Variants in SPTLC2 observed in about 807,000 individuals in gnomAD.
SPTLC2 encodes the protein serine palmitoyltransferase long chain base subunit 2, also known as serine palmitoyltransferase 2.
Under a neutral mutation model 62.0 loss-of-function variants are expected in SPTLC2, and 21 were observed. The ratio of observed to expected loss-of-function variants is 0.34; its 90% CI spans 0.24 to 0.49. SPTLC2 has a LOEUF of 0.49. Among genes scored for constraint, SPTLC2 ranks in the 20% least tolerant of loss-of-function variants. The pLI, the probability that SPTLC2 is intolerant of heterozygous loss-of-function variation, is 0.99. For missense variants in SPTLC2, 511 were observed against 713.0 expected (o/e 0.72, Z 3.23); for synonymous variants, 261 against 261.8 (o/e 1.00, Z 0.03).
intron 1 of SPTLC2, among the ~76,000 whole-genome samples, chr14:77,600,397 G>A (rs920005561): frequency 6.6e-5 from 10 of 152,128 alleles, no homozygotes; most frequent in East Asian, 1.9e-4. Context: ...ACTGACACGC[G>A]AGCCTCTCCA....
chr14:77,615,735 T>C (rs1403047153), intron 1 of SPTLC2, among the ~76,000 whole-genome samples: 1 of 152,238 alleles, frequency 6.6e-6, no homozygotes, highest in Non-Finnish European at 1.5e-5. Context: ...TATAGAGTCA[T>C]CGCAAGTCAC....
chr14:77,524,439 TAA>T (rs58888508), intron 9 of SPTLC2, among the ~76,000 whole-genome samples: 45 of 133,822 alleles, frequency 3.4e-4, no homozygotes, highest in Admixed American at 3.0e-4. Flanking sequence ...TAGCCTCTGT[TAA>T]AAAAAAAAAA....
chr14:77,587,123 G>A (rs1472150490), intron 2 of SPTLC2, among the ~76,000 whole-genome samples: 1 of 152,036 alleles, frequency 6.6e-6, no homozygotes, highest in East Asian at 1.9e-4. Flanking sequence ...AGCTACTCGG[G>A]AGGCTGAGGC....
chr14:77,527,046 G>A (rs1438821103), intron 9 of SPTLC2, among the ~76,000 whole-genome samples: 6 of 150,720 alleles, frequency 4.0e-5, no homozygotes, highest in Non-Finnish European at 7.4e-5. Flanking sequence ...CACCTGCCTC[G>A]GCCTCCCAAA....
chr14:77,528,742 CAT>C (rs2079421421), intron 9 of SPTLC2, among the ~76,000 whole-genome samples: 1 of 152,138 alleles, frequency 6.6e-6, no homozygotes, highest in Admixed American at 6.6e-5. Context: ...GTGGTTATTT[CAT>C]ATCTCTTTCA....
intron 2 of SPTLC2, among the ~76,000 whole-genome samples, chr14:77,580,125 G>A (rs2079739926): frequency 6.6e-6 from 1 of 152,060 alleles, no homozygotes; most frequent in African/African-American, 2.4e-5. Flanking sequence ...ATATTTTCAA[G>A]GATCAAAATG....
chr14:77,585,649 C>A (rs574122621), intron 2 of SPTLC2, among the ~76,000 whole-genome samples: 2 of 151,962 alleles, frequency 1.3e-5, no homozygotes, highest in East Asian at 3.9e-4. Flanking sequence ...GCATCCAGTG[C>A]AGGGAAAAAA....
chr14:77,560,671 T>C (rs982765250), intron 6 of SPTLC2, among the ~76,000 whole-genome samples: 2 of 151,740 alleles, frequency 1.3e-5, no homozygotes, highest in South Asian at 4.2e-4. Flanking sequence ...TGGAATACTA[T>C]GTAGCCATAA....
chr14:77,558,752 G>A (rs1393050987), intron 6 of SPTLC2, among the ~76,000 whole-genome samples: 4 of 151,824 alleles, frequency 2.6e-5, no homozygotes, highest in African/African-American at 9.7e-5. Context: ...CTCCTGAGTA[G>A]CTGGGATTAC....
In SPTLC2 at chr14:77,534,178, TCACACACACA is replaced by T. The variant is rs199819444; in HGVS notation, c.1304-12607_1304-12598del. On this transcript the variant is annotated intron_variant, in intron 9 of 11. Coordinates refer to ENST00000216484, the MANE Select transcript of SPTLC2 (RefSeq NM_004863.4). ...GTCTCTCTCTCTTTCTCTCTCTCTC[TCACACACACA>T]CACACACACACACACACACACACAC... 1.9e-3 allele frequency among the ~76,000 whole-genome samples: 223 copies of T among 114,986 alleles called. 2 individuals carry two copies. Among genetic ancestry groups the T allele is most frequent in the South Asian group, 0.014 (59 of 4,142 alleles). 75.4% of individuals were successfully genotyped at this position (114,986 alleles called of 152,430 possible).
intron 9 of SPTLC2, among the ~76,000 whole-genome samples, chr14:77,530,564 A>AACTC (rs1483468840): frequency 1.3e-5 from 2 of 152,100 alleles, no homozygotes; most frequent in African/African-American, 4.8e-5. Flanking sequence ...CCTGACCTCA[A>AACTC]GTGATCCACC....
chr14:77,611,361 G>T (rs1263885235), intron 1 of SPTLC2, among the ~76,000 whole-genome samples: 2 of 150,658 alleles, frequency 1.3e-5, no homozygotes, highest in African/African-American at 4.9e-5. Context: ...TACTTGGGAG[G>T]CTGAGATGGG....
intron 3 of SPTLC2, among the ~76,000 whole-genome samples, chr14:77,578,487 G>A (rs940428148): frequency 6.6e-6 from 1 of 151,734 alleles, no homozygotes; most frequent in Non-Finnish European, 1.5e-5. Context: ...GAGGCTGAGG[G>A]GGACAGATCA....
chr14:77,506,699 T>A lies in SPTLC2; in HGVS notation c.*5585A>T, dbSNP rs974497618. On this transcript the variant is annotated 3_prime_UTR_variant, in exon 12 of 12. Coordinates refer to ENST00000216484, the MANE Select transcript of SPTLC2 (RefSeq NM_004863.4). The stretch of plus-strand genomic sequence containing the variant: ...ATGACCAAGCTTTGCAAAAGAAACC[T>A]GGGAAGAGCGTTGGAAAAAGCAGAC... 1.3e-5 allele frequency: 2 copies of A among 152,248 alleles called. No homozygotes were observed. Among genetic ancestry groups the A allele is most frequent in the African/African-American group, 4.8e-5 (2 of 41,462 alleles). 9.4% of individuals were successfully genotyped at this position (152,248 alleles called of 1,614,324 possible). A position where few individuals can be genotyped will look rare whatever the true frequency, so the allele number is the denominator to read the frequency against.
intron 9 of SPTLC2, among the ~76,000 whole-genome samples, chr14:77,544,589 A>G (rs1299101377): frequency 6.6e-6 from 1 of 152,182 alleles, no homozygotes; most frequent in East Asian, 1.9e-4. Context: ...CCACTGTACT[A>G]AAAGTACCTC....
At chr14:77,522,676 C>T (rs570591471) in intron 9 of SPTLC2, among the ~76,000 whole-genome samples, 8 of 152,122 alleles carry the variant, frequency 5.3e-5, no homozygotes, top group Non-Finnish European at 8.8e-5. Context: ...TTCTGTTATA[C>T]AGAGCAAAGC....
intron 1 of SPTLC2, among the ~76,000 whole-genome samples, chr14:77,611,552 G>A (rs186349846): frequency 5.6e-4 from 85 of 152,122 alleles, no homozygotes; most frequent in African/African-American, 2.0e-3. Flanking sequence ...CCGGCTAGGC[G>A]TGGTGGCTCA....
chr14:77,607,051 T>C (rs2079909230), intron 1 of SPTLC2, among the ~76,000 whole-genome samples: 1 of 152,114 alleles, frequency 6.6e-6, no homozygotes. Context: ...GTAATCCTTG[T>C]CTTCAAGAAT....
At chr14:77,587,492 C>A (rs2079788347) in intron 2 of SPTLC2, among the ~76,000 whole-genome samples, 1 of 152,062 alleles carries the variant, frequency 6.6e-6, no homozygotes, top group African/African-American at 2.4e-5. Flanking sequence ...GAAGGCCAGA[C>A]ACAGTGGCTC....
Sources: gnomAD v4.1 joint callset for allele counts (sites outside exome capture counted in the v4.1 genomes callset) on GRCh38, gnomAD v4.1.1 for gene constraint, MANE v1.5 for transcripts, NCBI Gene and HGNC (gene_info 2026-07-23, HGNC 2026-07-21) for gene names.